The following CHL1 variants were observed in gnomAD, a reference collection of about 807,000 sequenced individuals.
CHL1 encodes neural cell adhesion molecule L1-like protein.
CHL1 carries 96 observed loss-of-function variants against 141.9 expected under a neutral mutation model. The ratio of observed to expected loss-of-function variants is 0.68; its 90% CI spans 0.57 to 0.80. The LOEUF (loss-of-function observed/expected upper bound fraction) is 0.80. Ranked by LOEUF, CHL1 falls within the 30% of genes least tolerant of loss-of-function variation. CHL1 has a pLI of 0.00. For synonymous variants in CHL1, 613 were observed against 502.2 expected, an observed-to-expected ratio of 1.22 and a Z score of -2.95; for missense variants, 1,820 against 1,457.2, an observed-to-expected ratio of 1.25 and a Z score of -4.05.
intron 5 of CHL1, among the ~76,000 whole-genome samples, chr3:337,284 G>A (rs11923221): frequency 0.059 from 8,832 of 149,770 alleles, 883 homozygotes; most frequent in African/African-American, 0.21. Context: ...TCCGCCTCCC[G>A]GGTTCCCGCC....
At chr3:328,422 G>T (rs768853383) in intron 5 of CHL1, 68 bp downstream of exon 5, 1 of 1,279,466 alleles carries the variant, frequency 7.8e-7, no homozygotes, top group Non-Finnish European at 1.1e-6. Flanking sequence ...AGTTAGATTG[G>T]GTTCCAATGA....
chr3:385,107 T>G (rs1262505378), intron 19 of CHL1, among the ~76,000 whole-genome samples: 1 of 152,230 alleles, frequency 6.6e-6, no homozygotes, highest in Admixed American at 6.5e-5. Context: ...TGATAATTAC[T>G]TAATTTATAG....
At chr3:215,792 T>TGG (rs1236000840) in intron 1 of CHL1, among the ~76,000 whole-genome samples, 1 of 152,174 alleles carries the variant, frequency 6.6e-6, no homozygotes, top group African/African-American at 2.4e-5. Context: ...CATTGAAGCA[T>TGG]CTCTTTCAAG....
chr3:238,787 G>GC (rs1371897586), intron 1 of CHL1, among the ~76,000 whole-genome samples: 8 of 144,414 alleles, frequency 5.5e-5, no homozygotes, highest in African/African-American at 2.0e-4. Context: ...AAAAAAAATA[G>GC]CTGGATGTGG....
At chr3:224,238 A>G (rs1424819164) in intron 1 of CHL1, among the ~76,000 whole-genome samples, 1 of 152,200 alleles carries the variant, frequency 6.6e-6, no homozygotes, top group African/African-American at 2.4e-5. Flanking sequence ...AAGTTAAACT[A>G]TAAACTAAAT....
rs1709647393 is a variant in CHL1, at chr3:408,164, C to G, written c.*2453C>G. ...AATGAGTAACAGAGTCCACGGCGTG[C>G]AATGGTAATTATAAATTGGTGATGC... is the stretch of plus-strand genomic sequence containing the variant. On this transcript the variant is annotated 3_prime_UTR_variant, in exon 28 of 28. Coordinates refer to ENST00000256509, the MANE Select transcript of CHL1 (RefSeq NM_006614.4). The G allele has an allele frequency of 6.6e-6, 1 of 152,072 alleles. No homozygotes were observed. Among genetic ancestry groups the G allele is most frequent in the Non-Finnish European group, 1.5e-5 (1 of 68,010 alleles). The allele number at this position is 152,072 out of a possible 1,614,324, so 9.4% of individuals were successfully genotyped here.
At chr3:233,855 T>C (rs960880946) in intron 1 of CHL1, among the ~76,000 whole-genome samples, 1 of 152,154 alleles carries the variant, frequency 6.6e-6, no homozygotes, top group African/African-American at 2.4e-5. Context: ...TTTATTGTTA[T>C]AAATTACACT....
chr3:283,964 A>G (rs924027708), intron 2 of CHL1, among the ~76,000 whole-genome samples: 2 of 152,226 alleles, frequency 1.3e-5, no homozygotes, highest in Non-Finnish European at 2.9e-5. Context: ...ATGCATTTAC[A>G]TATGTATTTT....
Position 406,648 on chromosome 3 carries a change from G to C in CHL1, c.*937G>C, listed in dbSNP as rs1271773361. The C allele has an allele frequency of 2.0e-5, 3 of 151,934 alleles. No homozygotes were observed. The highest frequency in any genetic ancestry group is 4.8e-5 in the African/African-American group (2 of 41,392). 9.4% of individuals were successfully genotyped at this position (151,934 alleles called of 1,614,324 possible). ...TTTACACAATTTAAAATATAGATGTGTTTTATTTTGAAGTGAGAAAATGAA... is the reference window on the plus strand; with the variant it reads ...TTTACACAATTTAAAATATAGATGTCTTTTATTTTGAAGTGAGAAAATGAA... On this transcript the variant is annotated 3_prime_UTR_variant, in exon 28 of 28. Transcript: ENST00000256509.
intron 12 of CHL1, 119 bp from the exon 13 acceptor site, chr3:361,580 A>G (rs1704256568): frequency 1.1e-5 from 7 of 644,552 alleles, no homozygotes; most frequent in Non-Finnish European, 2.0e-5. Flanking sequence ...TTCAAAACAG[A>G]CACCATAATA....
At chr3:198,762 C>T (rs1203381489) in intron 1 of CHL1, among the ~76,000 whole-genome samples, 1 of 152,166 alleles carries the variant, frequency 6.6e-6, no homozygotes, top group Non-Finnish European at 1.5e-5. Context: ...TCTGCATTTT[C>T]ATTGAAGTAA....
At chr3:249,399 A>G (rs1693475628) in intron 2 of CHL1, among the ~76,000 whole-genome samples, 1 of 152,174 alleles carries the variant, frequency 6.6e-6, no homozygotes, top group African/African-American at 2.4e-5. Context: ...AAAAAATCAG[A>G]AAGAAGAAAG....
At chr3:333,664 T>C (rs1321294154) in intron 5 of CHL1, among the ~76,000 whole-genome samples, 1 of 152,216 alleles carries the variant, frequency 6.6e-6, no homozygotes, top group Non-Finnish European at 1.5e-5. Context: ...ACCAGCCACT[T>C]TCTAGTAATT....
chr3:400,703 G>A (rs1376808775), intron 26 of CHL1, among the ~76,000 whole-genome samples: 4 of 151,630 alleles, frequency 2.6e-5, no homozygotes, highest in African/African-American at 9.7e-5. Context: ...TCGGGAGGCT[G>A]AGGCAGGAGA....
intron 1 of CHL1, among the ~76,000 whole-genome samples, chr3:236,471 A>G (rs12496555): frequency 0.51 from 77,232 of 151,974 alleles, 21,256 homozygotes; most frequent in Non-Finnish European, 0.62. Context: ...GGACAGTAGC[A>G]ATGAAATGCA....
chr3:287,700 A>G (rs1436264290), intron 2 of CHL1, among the ~76,000 whole-genome samples: 1 of 152,212 alleles, frequency 6.6e-6, no homozygotes, highest in Non-Finnish European at 1.5e-5. Flanking sequence ...TTCAAGCATC[A>G]AATATACCAA....
chr3:225,663 C>A (rs553541212), intron 1 of CHL1, among the ~76,000 whole-genome samples: 2 of 152,220 alleles, frequency 1.3e-5, no homozygotes, highest in African/African-American at 4.8e-5. Flanking sequence ...TGTCCAGGAA[C>A]TAAACAATAA....
chr3:244,240 G>A (rs1404368696), intron 1 of CHL1, among the ~76,000 whole-genome samples: 2 of 152,210 alleles, frequency 1.3e-5, no homozygotes, highest in South Asian at 4.1e-4. Flanking sequence ...TCAGACAGAT[G>A]CAAGTAGCTA....
At chr3:213,057 A>G (rs912404039) in intron 1 of CHL1, 2 of 152,196 alleles carry the variant, frequency 1.3e-5, no homozygotes, top group African/African-American at 2.4e-5. Flanking sequence ...AAGCAACTTG[A>G]AGTCATTGCA....
Sources: allele counts gnomAD v4.1 joint callset (sites outside exome capture counted in the v4.1 genomes callset), GRCh38; gene constraint gnomAD v4.1.1; transcripts MANE v1.5; gene names NCBI Gene and HGNC (gene_info 2026-07-23, HGNC 2026-07-21).